The following SLC16A2 variants were observed in gnomAD, a reference collection of about 807,000 sequenced individuals.
SLC16A2 encodes the protein solute carrier family 16 member 2, also known as monocarboxylate transporter 8.
Under a neutral mutation model 27.2 loss-of-function variants are expected in SLC16A2, and 3 were observed. The ratio of observed to expected loss-of-function variants is 0.11; its 90% confidence interval spans 0.05 to 0.28. The LOEUF (loss-of-function observed/expected upper bound fraction) is 0.28. Among genes scored for constraint, SLC16A2 ranks in the 10% least tolerant of loss-of-function variants. The probability of loss-of-function intolerance (pLI) is 1.00; values close to 1 mark genes in which losing one functional copy is unlikely to be tolerated. For synonymous variants in SLC16A2, 202 were observed against 187.8 expected, an observed-to-expected ratio of 1.08 and a Z score of -0.62; for missense variants, 295 against 458.5, an observed-to-expected ratio of 0.64 and a Z score of 3.26.
chrX:74,441,328 G>A (rs978944575), intron 1 of SLC16A2, among the ~76,000 whole-genome samples: 8 of 111,187 alleles, frequency 7.2e-5, no homozygotes, highest in African/African-American at 2.6e-4. Flanking sequence ...CAAAGTGCTG[G>A]GAATACAGGC....
chrX:74,495,861 G>C (rs1325455442), intron 1 of SLC16A2, among the ~76,000 whole-genome samples: 3 of 111,268 alleles, frequency 2.7e-5, no homozygotes. Context: ...GCCTGGGCAG[G>C]CAACAGGCAT....
At chrX:74,479,291 G>T (rs1487285707) in intron 1 of SLC16A2, among the ~76,000 whole-genome samples, 1 of 111,887 alleles carries the variant, frequency 8.9e-6, no homozygotes, top group Admixed American at 9.5e-5. Flanking sequence ...ACTGAGGCTT[G>T]TGCATTCATC....
intron 1 of SLC16A2, among the ~76,000 whole-genome samples, chrX:74,446,188 A>G (rs777086066): frequency 9.0e-6 from 1 of 110,687 alleles, no homozygotes; most frequent in African/African-American, 3.3e-5. Context: ...CCACACTCTC[A>G]CTGATCCTCT....
intron 1 of SLC16A2, among the ~76,000 whole-genome samples, chrX:74,437,724 G>A (rs1444522389): frequency 8.9e-6 from 1 of 111,840 alleles, no homozygotes; most frequent in Non-Finnish European, 1.9e-5. Context: ...AGGTGAAACC[G>A]GTCAGACCAG....
intron 1 of SLC16A2, among the ~76,000 whole-genome samples, chrX:74,510,566 CTT>C (rs749989102): frequency 0.011 from 1,174 of 111,602 alleles, 15 homozygotes; most frequent in African/African-American, 0.036. Context: ...CATGGGCACT[CTT>C]AAGTGTAGGT....
intron 4 of SLC16A2, among the ~76,000 whole-genome samples, chrX:74,528,908 C>G (rs1245433897): frequency 8.9e-6 from 1 of 111,984 alleles, no homozygotes; most frequent in Admixed American, 9.5e-5. Context: ...AACAACAATT[C>G]CTTTTATCTT....
intron 1 of SLC16A2, among the ~76,000 whole-genome samples, chrX:74,480,131 C>A (rs1350341393): frequency 2.7e-5 from 3 of 112,082 alleles, no homozygotes; most frequent in African/African-American, 9.7e-5. Context: ...TGGGCTCCAC[C>A]CAGTTTGAGC....
intron 1 of SLC16A2, among the ~76,000 whole-genome samples, chrX:74,509,591 T>C (rs986990947): frequency 2.7e-5 from 3 of 110,510 alleles, no homozygotes; most frequent in Non-Finnish European, 5.7e-5. Context: ...TGAGATGGAG[T>C]CTCACTCTGT....
chrX:74,527,939 T>C (rs1052104808), intron 4 of SLC16A2, among the ~76,000 whole-genome samples: 1 of 112,153 alleles, frequency 8.9e-6, no homozygotes, highest in African/African-American at 3.2e-5. Context: ...TATTCCTAGC[T>C]TCTGCCTAGC....
At chrX:74,479,725 G>A (rs1929573879) in intron 1 of SLC16A2, among the ~76,000 whole-genome samples, 1 of 112,220 alleles carries the variant, frequency 8.9e-6, no homozygotes, top group Admixed American at 9.4e-5. Flanking sequence ...AGCTGCAGGT[G>A]GGTTGGAGTT....
chrX:74,500,234 A>G (rs1330459390), intron 1 of SLC16A2, among the ~76,000 whole-genome samples: 1 of 111,132 alleles, frequency 9.0e-6, no homozygotes, highest in Non-Finnish European at 1.9e-5. Flanking sequence ...AAACACGGGT[A>G]TGGTGACATC....
At chrX:74,433,426 C>T (rs919573144) in intron 1 of SLC16A2, among the ~76,000 whole-genome samples, 4 of 109,742 alleles carry the variant, frequency 3.6e-5, no homozygotes, top group Admixed American at 9.8e-5. Context: ...AATTATGTGG[C>T]GCTGAGGCTT....
intron 1 of SLC16A2, among the ~76,000 whole-genome samples, chrX:74,453,523 G>A (rs1174506187): frequency 2.7e-5 from 3 of 111,154 alleles, no homozygotes; most frequent in Non-Finnish European, 5.7e-5. Flanking sequence ...TCTCTCAGAA[G>A]GTCATATTTA....
chrX:74,521,949 G>GA (rs1244666462), intron 2 of SLC16A2, among the ~76,000 whole-genome samples: 2 of 112,103 alleles, frequency 1.8e-5, no homozygotes, highest in Admixed American at 1.9e-4. Flanking sequence ...CAGCCCTGCA[G>GA]AAGAATGTGT....
chrX:74,452,845 T>A (rs1052210978), intron 1 of SLC16A2, among the ~76,000 whole-genome samples: 1 of 111,129 alleles, frequency 9.0e-6, no homozygotes, highest in African/African-American at 3.3e-5. Flanking sequence ...TATAGCCTAC[T>A]CAGAGCAGAG....
intron 1 of SLC16A2, among the ~76,000 whole-genome samples, chrX:74,426,086 T>A (rs1928396767): frequency 8.9e-6 from 1 of 112,102 alleles, no homozygotes; most frequent in Non-Finnish European, 1.9e-5. Flanking sequence ...GTAGGCTGTC[T>A]TTCTCCTTCT....
chrX:74,494,007 G>C (rs1310510624), intron 1 of SLC16A2, among the ~76,000 whole-genome samples: 2 of 111,384 alleles, frequency 1.8e-5, no homozygotes, highest in Non-Finnish European at 3.8e-5. Context: ...TCTGGTCTCT[G>C]CCTTCCATTG....
At chrX:74,437,102 G>A (rs1367876022) in intron 1 of SLC16A2, among the ~76,000 whole-genome samples, 3 of 111,995 alleles carry the variant, frequency 2.7e-5, no homozygotes, top group African/African-American at 6.5e-5. Flanking sequence ...CATCCACAGC[G>A]GGGTGCCCCG....
At position 74,493,798 on chromosome X, in the gene SLC16A2, T is replaced by G. The variant is rs754250691; in HGVS notation, c.431-27192T>G. 2.2e-4 allele frequency among the ~76,000 whole-genome samples: 25 copies of G among 111,183 alleles called. 1 individual carries two copies. In the South Asian group the frequency reaches 9.7e-3, roughly 43 times the overall value. ...CAGGTGCGTGCATTCCCTCTCTGTC[T>G]CTCTGGGGCTTCAAGCTCTGAAAGT... On this transcript the variant is annotated intron_variant, in intron 1 of 5. Coordinates refer to ENST00000587091, the MANE Select transcript of SLC16A2 (RefSeq NM_006517.5).
Sources: allele counts gnomAD v4.1 joint callset (sites outside exome capture counted in the v4.1 genomes callset), GRCh38; gene constraint gnomAD v4.1.1; transcripts MANE v1.5; gene names NCBI Gene and HGNC (gene_info 2026-07-23, HGNC 2026-07-21).